SMARCC1: variants seen among roughly 807,000 people sequenced by gnomAD.
The protein encoded by SMARCC1 is SWI/SNF related BAF chromatin remodeling complex subunit C1.
Under a neutral mutation model 147.4 loss-of-function variants are expected in SMARCC1, and 43 were observed. The observed-to-expected ratio is 0.29, with a 90% CI of 0.23 to 0.38. The LOEUF (loss-of-function observed/expected upper bound fraction) is 0.38, where lower values mean the gene tolerates loss of function less well. Among genes scored for constraint, SMARCC1 ranks in the 10% least tolerant of loss-of-function variants. The pLI is 1.00. For missense variants in SMARCC1, 1,119 were observed against 1,381.1 expected (o/e 0.81, Z 3.01); for synonymous variants, 495 against 484.4 (o/e 1.02, Z -0.29).
intron 11 of SMARCC1, among the ~76,000 whole-genome samples, chr3:47,700,841 A>G (rs1231642758): frequency 6.6e-6 from 1 of 152,166 alleles, no homozygotes; most frequent in African/African-American, 2.4e-5. Flanking sequence ...GAATTTAATT[A>G]CATTGAATAG....
At chr3:47,764,501 C>T (rs927983827) in intron 2 of SMARCC1, among the ~76,000 whole-genome samples, 4 of 152,158 alleles carry the variant, frequency 2.6e-5, no homozygotes, top group South Asian at 4.1e-4. Context: ...TTTCTACCTA[C>T]GAATCCACAT....
intron 19 of SMARCC1, among the ~76,000 whole-genome samples, chr3:47,669,636 CA>C (rs1045314285): frequency 6.6e-6 from 1 of 150,780 alleles, no homozygotes; most frequent in East Asian, 1.9e-4. Flanking sequence ...AAAATAGAGG[CA>C]AAAAAACACA....
At chr3:47,684,948 A>G (rs1003758689) in intron 14 of SMARCC1, among the ~76,000 whole-genome samples, 9 of 152,242 alleles carry the variant, frequency 5.9e-5, no homozygotes, top group Non-Finnish European at 1.3e-4. Context: ...AAGAACAAGT[A>G]TAACAATTTA....
intron 15 of SMARCC1, among the ~76,000 whole-genome samples, chr3:47,679,861 CAAAAAAA>C (rs35582823): frequency 1.3e-5 from 1 of 78,534 alleles, no homozygotes; most frequent in Non-Finnish European, 2.4e-5. Context: ...GACTCCATCT[CAAAAAAA>C]AAAAAAAAAA....
chr3:47,647,489 A>T (rs1285858403), intron 21 of SMARCC1, among the ~76,000 whole-genome samples: 1 of 152,228 alleles, frequency 6.6e-6, no homozygotes, highest in Non-Finnish European at 1.5e-5. Flanking sequence ...TTCAACTTAT[A>T]ATGAGTTTAT....
At chr3:47,601,894 T>G (rs2032392687) in intron 26 of SMARCC1, 1 of 152,036 alleles carries the variant, frequency 6.6e-6, no homozygotes, top group Admixed American at 6.6e-5. Context: ...GAGGTGGGGT[T>G]TTGCCATGTT....
intron 27 of SMARCC1, 43 bp from the exon 28 acceptor site, chr3:47,588,349 AAG>A (rs1454088717): frequency 6.4e-7 from 1 of 1,567,984 alleles, no homozygotes; most frequent in East Asian, 2.2e-5. Flanking sequence ...CTGGAAATAC[AAG>A]AGACTCAGGA....
Position 47,587,886 on chromosome 3 carries a change from A to C in SMARCC1, c.*323T>G. Reference sequence around the variant, plus strand: ...AAACTGCAAGAGAGCAAAAATGGTAAAGACATAGCATGCTAAAGTTGACAG... The same window carrying C: ...AAACTGCAAGAGAGCAAAAATGGTACAGACATAGCATGCTAAAGTTGACAG... On this transcript the variant is annotated 3_prime_UTR_variant, in exon 28 of 28. Transcript: ENST00000254480. 3.3e-6 allele frequency: 1 copy of C among 299,646 alleles called. No homozygotes were observed. Among genetic ancestry groups the C allele is most frequent in the East Asian group, 7.9e-5 (1 of 12,680 alleles). The allele number at this position is 299,646 out of a possible 1,614,324, so 18.6% of individuals were successfully genotyped here. A position where few individuals can be genotyped will look rare whatever the true frequency, so the allele number is the denominator to read the frequency against.
intron 24 of SMARCC1, among the ~76,000 whole-genome samples, chr3:47,625,859 A>C (rs1275802972): frequency 2.6e-5 from 4 of 152,160 alleles, no homozygotes; most frequent in Non-Finnish European, 5.9e-5. Flanking sequence ...TACCACCAAG[A>C]AGTCCACTGA....
intron 2 of SMARCC1, among the ~76,000 whole-genome samples, chr3:47,768,428 T>C (rs1283387208): frequency 6.6e-6 from 1 of 152,118 alleles, no homozygotes; most frequent in Non-Finnish European, 1.5e-5. Context: ...TAAATAATGG[T>C]TTAGTTCCCA....
intron 2 of SMARCC1, among the ~76,000 whole-genome samples, chr3:47,765,706 T>G (rs116026916): frequency 0.021 from 3,186 of 152,184 alleles, 50 homozygotes; most frequent in Middle Eastern, 0.045. Flanking sequence ...GAATATAATA[T>G]TCTACATTTT....
At chr3:47,747,097 A>G (rs2034572547) in intron 2 of SMARCC1, among the ~76,000 whole-genome samples, 1 of 151,942 alleles carries the variant, frequency 6.6e-6, no homozygotes, top group African/African-American at 2.4e-5. Flanking sequence ...GGAGTCTGAG[A>G]CCAGCTTGGG....
chr3:47,708,333 G>A lies in SMARCC1; in HGVS notation c.919-1803C>T, dbSNP rs142672461. Among the ~76,000 whole-genome samples the A allele has an allele frequency of 7.8e-4, 118 of 151,556 alleles. 1 individual carries two copies. Among genetic ancestry groups the A allele is most frequent in the African/African-American group, 2.8e-3 (115 of 41,336 alleles). ...TTTTTGTATTTTTTGCAGAGACAGC[G>A]TATTGCCATGTTGCCCAGGCTAGTC... On this transcript the variant is annotated intron_variant, in intron 9 of 27. Coordinates refer to ENST00000254480, the MANE Select transcript of SMARCC1 (RefSeq NM_003074.4).
At chr3:47,702,234 A>AAG (rs1308992055) in intron 10 of SMARCC1, among the ~76,000 whole-genome samples, 2 of 151,554 alleles carry the variant, frequency 1.3e-5, no homozygotes, top group Non-Finnish European at 2.9e-5. Context: ...GGGGCTCAAA[A>AAG]AAAAAAAAAA....
chr3:47,681,347 T>C (rs147242760), intron 14 of SMARCC1, among the ~76,000 whole-genome samples: 1 of 152,320 alleles, frequency 6.6e-6, no homozygotes, highest in East Asian at 1.9e-4. Flanking sequence ...TGGGGAGATA[T>C]ATTACTTTTT....
At chr3:47,626,617 A>G (rs76133161) in intron 24 of SMARCC1, among the ~76,000 whole-genome samples, 1,547 of 152,298 alleles carry the variant, frequency 0.01, 23 homozygotes, top group African/African-American at 0.035. Flanking sequence ...TTGAGTGGAT[A>G]CTTTCCTGGG....
chr3:47,753,079 C>G (rs2106850245), intron 2 of SMARCC1, among the ~76,000 whole-genome samples: 1 of 152,294 alleles, frequency 6.6e-6, no homozygotes. Flanking sequence ...GGCACTACGG[C>G]TCACGCCTGT....
chr3:47,670,093 G>C (rs1576405617), intron 19 of SMARCC1, among the ~76,000 whole-genome samples: 1 of 152,140 alleles, frequency 6.6e-6, no homozygotes. Context: ...TTTGTGATTA[G>C]GAATTAGCTT....
At chr3:47,749,773 G>A (rs1191450262) in intron 2 of SMARCC1, among the ~76,000 whole-genome samples, 2 of 145,454 alleles carry the variant, frequency 1.4e-5, no homozygotes, top group African/African-American at 5.0e-5. Flanking sequence ...AGAGGTGGCG[G>A]GGAGAGGGAT....
Sources: gnomAD v4.1 joint callset for allele counts (sites outside exome capture counted in the v4.1 genomes callset) on GRCh38, gnomAD v4.1.1 for gene constraint, MANE v1.5 for transcripts, NCBI Gene and HGNC (gene_info 2026-07-23, HGNC 2026-07-21) for gene names.